PVT1: variants seen among roughly 807,000 people sequenced by gnomAD.
PVT1 encodes CXCR4/PVT1 fusion.
At chr8:127,988,970 A>G (rs947696699) in intron 3 of PVT1, among the ~76,000 whole-genome samples, 3 of 152,224 alleles carry the variant, frequency 2.0e-5, no homozygotes, top group African/African-American at 7.2e-5. Context: ...AAACAGTTTA[A>G]TGTGTATAAA....
chr8:127,826,014 C>CTTTT (rs57575268), intron 2 of PVT1, among the ~76,000 whole-genome samples: 1,278 of 89,644 alleles, frequency 0.014, 78 homozygotes, highest in African/African-American at 0.027. Flanking sequence ...CCATGCCCAG[C>CTTTT]TTTTTTTTTT....
chr8:127,904,912 T>C (rs573225596), intron 3 of PVT1, among the ~76,000 whole-genome samples: 31 of 152,236 alleles, frequency 2.0e-4, no homozygotes, highest in Non-Finnish European at 4.3e-4. Context: ...AGGAGCCCTG[T>C]GTGCCTGCAC....
intron 2 of PVT1, among the ~76,000 whole-genome samples, chr8:127,840,013 G>A (rs1814955220): frequency 1.3e-5 from 2 of 152,204 alleles, no homozygotes; most frequent in Non-Finnish European, 2.9e-5. Flanking sequence ...CTGCTTCTTG[G>A]CACAGAGCAG....
chr8:127,897,669 GGAAA>G lies in PVT1; in HGVS notation n.782+6684_782+6687del, dbSNP rs766645781. On this transcript the variant is annotated intron_variant and non_coding_transcript_variant, in intron 3 of 10. Coordinates refer to ENST00000651587, the Ensembl canonical transcript of PVT1. ...AGAAAGACAGGAAGGAAGGAAGAAAGGAAAGAAAGAAAGAAAAAGGAAGGAAGGA... is the reference window on the plus strand; with the variant it reads ...AGAAAGACAGGAAGGAAGGAAGAAAGGAAAGAAAGAAAAAGGAAGGAAGGA... Among the ~76,000 whole-genome samples the G allele has an allele frequency of 2.3e-4, 33 of 141,046 alleles. No homozygotes were observed. In the East Asian group the frequency reaches 2.7e-3, roughly 11 times the overall value. The allele number at this position is 141,046 out of a possible 152,430, so 92.5% of individuals were successfully genotyped here.
At chr8:128,042,738 AT>A (rs1813560927) in intron 4 of PVT1, among the ~76,000 whole-genome samples, 1 of 135,422 alleles carries the variant, frequency 7.4e-6, no homozygotes, top group African/African-American at 2.8e-5. Flanking sequence ...TAGGTGGTTT[AT>A]TTTATTTTAT....
At chr8:128,008,549 C>G (rs894701459) in intron 4 of PVT1, among the ~76,000 whole-genome samples, 1 of 152,242 alleles carries the variant, frequency 6.6e-6, no homozygotes, top group African/African-American at 2.4e-5. Flanking sequence ...GAAATGGTTT[C>G]TGTCTTCAGC....
At chr8:128,073,045 G>A (rs1814016609) in intron 5 of PVT1, among the ~76,000 whole-genome samples, 1 of 151,976 alleles carries the variant, frequency 6.6e-6, no homozygotes, top group Non-Finnish European at 1.5e-5. Flanking sequence ...TGTTGGCCAG[G>A]CTGGTCTCGA....
At chr8:128,010,101 A>C (rs1222993503) in intron 4 of PVT1, 1 of 152,208 alleles carries the variant, frequency 6.6e-6, no homozygotes, top group Non-Finnish European at 1.5e-5. Context: ...CATATTGTAC[A>C]TCAAGCCTCT....
intron 5 of PVT1, among the ~76,000 whole-genome samples, chr8:128,085,443 C>A (rs1320280867): frequency 6.6e-6 from 1 of 152,088 alleles, no homozygotes; most frequent in African/African-American, 2.4e-5. Flanking sequence ...GTAATGAGAA[C>A]CCCACCTTAA....
intron 4 of PVT1, among the ~76,000 whole-genome samples, chr8:128,045,478 A>G (rs1813600031): frequency 6.6e-6 from 1 of 152,178 alleles, no homozygotes; most frequent in African/African-American, 2.4e-5. Context: ...ACTGATGCAT[A>G]AGTGTTATAT....
intron 3 of PVT1, among the ~76,000 whole-genome samples, chr8:127,959,148 G>T (rs184229040): frequency 6.6e-6 from 1 of 152,198 alleles, no homozygotes; most frequent in Non-Finnish European, 1.5e-5. Context: ...TGCTAGCCAC[G>T]TGAGTGCATT....
chr8:127,812,232 CAGGAAGGA>C (rs1222087216), intron 2 of PVT1, among the ~76,000 whole-genome samples: 48 of 130,092 alleles, frequency 3.7e-4, no homozygotes, highest in Middle Eastern at 4.3e-3. Context: ...GGCAGGAAGG[CAGGAAGGA>C]AGGAAGGCAG....
chr8:127,878,497 C>T (rs1010043452), intron 2 of PVT1, among the ~76,000 whole-genome samples: 1 of 152,234 alleles, frequency 6.6e-6, no homozygotes, highest in Non-Finnish European at 1.5e-5. Context: ...GCCTGTTTGT[C>T]TCTGAAGCGT....
intron 3 of PVT1, among the ~76,000 whole-genome samples, chr8:127,978,782 G>C (rs191716826): frequency 6.6e-6 from 1 of 151,816 alleles, no homozygotes; most frequent in Non-Finnish European, 1.5e-5. Flanking sequence ...CACCGCACCC[G>C]GACCATTATT....
chr8:127,910,893 T>TGTG (rs1815888877), intron 3 of PVT1, among the ~76,000 whole-genome samples: 3 of 140,634 alleles, frequency 2.1e-5, no homozygotes, highest in African/African-American at 7.9e-5. Context: ...GTGTGTGTGT[T>TGTG]TGTGTGTGTG....
intron 5 of PVT1, chr8:128,082,948 T>C (rs928462963): frequency 2.0e-5 from 3 of 152,360 alleles, no homozygotes; most frequent in Non-Finnish European, 2.9e-5. Flanking sequence ...GTTGTTTAAG[T>C]CACTCTAACT....
intron 3 of PVT1, among the ~76,000 whole-genome samples, chr8:127,965,811 A>G (rs1323252836): frequency 6.6e-6 from 1 of 152,184 alleles, no homozygotes; most frequent in Non-Finnish European, 1.5e-5. Flanking sequence ...CAGGCTGTTC[A>G]GAGTCCGCCA....
intron 2 of PVT1, among the ~76,000 whole-genome samples, chr8:127,849,111 T>C (rs1815072633): frequency 6.6e-6 from 1 of 152,070 alleles, no homozygotes; most frequent in Non-Finnish European, 1.5e-5. Flanking sequence ...CCTGGCTCAG[T>C]AGGAAGAGTG....
intron 3 of PVT1, among the ~76,000 whole-genome samples, chr8:127,954,871 C>T (rs1816550767): frequency 6.6e-6 from 1 of 152,176 alleles, no homozygotes; most frequent in East Asian, 1.9e-4. Flanking sequence ...CACATTTATC[C>T]TTTGCACCAC....
Sources: allele counts gnomAD v4.1 joint callset (sites outside exome capture counted in the v4.1 genomes callset), GRCh38; gene constraint gnomAD v4.1.1; transcripts MANE v1.5; gene names NCBI Gene and HGNC (gene_info 2026-07-23, HGNC 2026-07-21).